SLCO4A1: variants seen among roughly 807,000 people sequenced by gnomAD.
SLCO4A1 encodes solute carrier organic anion transporter family member 4A1.
SLCO4A1 carries 51 observed loss-of-function variants against 64.6 expected under a neutral mutation model. The ratio of observed to expected loss-of-function variants is 0.79; its 90% CI spans 0.63 to 1.00. SLCO4A1 has a LOEUF of 1.00. Ranked by LOEUF, SLCO4A1 falls within the 50% of genes least tolerant of loss-of-function variation. The probability of loss-of-function intolerance (pLI) is 0.00; values close to 1 mark genes in which losing one functional copy is unlikely to be tolerated. For missense variants in SLCO4A1, 919 were observed against 980.5 expected, an observed-to-expected ratio of 0.94 and a Z score of 0.84; for synonymous variants, 471 against 444.9, an observed-to-expected ratio of 1.06 and a Z score of -0.74.
At chr20:62,653,247 C>T (rs1415093992) in intron 1 of SLCO4A1, among the ~76,000 whole-genome samples, 2 of 152,172 alleles carry the variant, frequency 1.3e-5, no homozygotes, top group East Asian at 1.9e-4. Context: ...GAGGACGTGG[C>T]GGGAGGACCC....
rs1416050847 is a variant in SLCO4A1 at position 62,645,111 on chromosome 20, G to GC, written c.-97+2564dup. On this transcript the variant is annotated intron_variant, in intron 1 of 11. Transcript: ENST00000217159. This position sits in a 1 kb window ranked among gnomAD's most constrained non-coding sequence, Gnocchi z 4.2. ...GTTCTGGGACATGGACCACTGTCTGGCCCCCCAGTGAGCTTGCTGAGTGTC... is the reference window on the plus strand; with the variant it reads ...GTTCTGGGACATGGACCACTGTCTGGCCCCCCCAGTGAGCTTGCTGAGTGTC... Among the ~76,000 whole-genome samples, 1 of 152,216 alleles carries GC rather than the reference G, an allele frequency of 6.6e-6. No individual in the cohort carries two copies. Among genetic ancestry groups the GC allele is most frequent in the South Asian group, 2.1e-4 (1 of 4,828 alleles).
In SLCO4A1 at chr20:62,656,729, C is replaced by A. The variant is rs548415673; in HGVS notation, c.275C>A (p.Ala92Glu). Reference sequence around the variant, plus strand: ...GTGGCGTGCGGCTGGTGGGCCTTCGCACCGCCGTGCCTGCAGGTCCTCAAC... The same window carrying A: ...GTGGCGTGCGGCTGGTGGGCCTTCGAACCGCCGTGCCTGCAGGTCCTCAAC... ...QSVACGWWAF[A>E]PPCLQVLNTP... Residue 92 changes from alanine (A) to glutamate (E), a missense_variant, in exon 2 of 12, where the codon GCA becomes GAA. By Grantham distance (107) the Ala-to-Glu change is moderately radical. Coordinates refer to ENST00000217159, the MANE Select transcript of SLCO4A1 (RefSeq NM_016354.4). 5 of 1,611,434 alleles carry A rather than the reference C, an allele frequency of 3.1e-6. No homozygotes were observed. In the South Asian group the frequency reaches 3.3e-5, roughly 11 times the overall value.
At chr20:62,654,559 G>A (rs1479144065) in intron 1 of SLCO4A1, among the ~76,000 whole-genome samples, 1 of 152,254 alleles carries the variant, frequency 6.6e-6, no homozygotes, top group African/African-American at 2.4e-5. Flanking sequence ...GAGACCCCAA[G>A]GCCGGATACT....
intron 5 of SLCO4A1, among the ~76,000 whole-genome samples, chr20:62,662,410 C>T (rs1985148647): frequency 6.6e-6 from 1 of 152,142 alleles, no homozygotes; most frequent in African/African-American, 2.4e-5. Context: ...GCCCTGTTCC[C>T]AGCGTGGCTG....
Position 62,661,703 on chromosome 20 carries a change from C to A in SLCO4A1, c.1121+528C>A, listed in dbSNP as rs189464691. Reference sequence around the variant, plus strand: ...CCTCAGAGTCTCTGAGGACCTCCCCCCTCTACCCGGCGTGTCCCGCTCACC... The same window carrying A: ...CCTCAGAGTCTCTGAGGACCTCCCCACTCTACCCGGCGTGTCCCGCTCACC... On this transcript the variant is annotated intron_variant, in intron 5 of 11. Transcript: ENST00000217159. This position sits in a 1 kb window ranked among gnomAD's most constrained non-coding sequence, Gnocchi z 5.2. Among the ~76,000 whole-genome samples the A allele has an allele frequency of 2.0e-5, 3 of 151,856 alleles. No individual in the cohort carries two copies. Among genetic ancestry groups the A allele is most frequent in the East Asian group, 1.9e-4 (1 of 5,164 alleles).
chr20:62,670,949 C>T (rs568541715), intron 11 of SLCO4A1, among the ~76,000 whole-genome samples: 61 of 152,374 alleles, frequency 4.0e-4, no homozygotes, highest in East Asian at 7.7e-4. Context: ...CCACGCCCAG[C>T]GTGGAAATCA....
intron 2 of SLCO4A1, among the ~76,000 whole-genome samples, chr20:62,682,034 C>T (rs940351145): frequency 1.5e-4 from 23 of 152,198 alleles, no homozygotes; most frequent in African/African-American, 4.6e-4. Flanking sequence ...AGCCCTCAGC[C>T]GGGCCCCGTA....
downstream of SLCO4A1, chr20:62,672,529 G>A (rs559333573): frequency 1.1e-4 from 17 of 156,688 alleles, no homozygotes; most frequent in Admixed American, 2.5e-4. Flanking sequence ...TGGAGGGTAC[G>A]GAGGGCTGAC....
At chr20:62,666,732 C>T (rs1036856669) in intron 7 of SLCO4A1, 157 bp downstream of exon 7, 4 of 658,322 alleles carry the variant, frequency 6.1e-6, no homozygotes, top group Admixed American at 2.8e-5. Flanking sequence ...GCAGGGCACC[C>T]GGCAGCATCC....
chr20:62,673,540 C>T (rs532757464), downstream of SLCO4A1, among the ~76,000 whole-genome samples: 17 of 143,986 alleles, frequency 1.2e-4, no homozygotes, highest in South Asian at 1.1e-3. Context: ...CATCCCTGAC[C>T]GGGTTATTAG....
At position 62,657,193 on chromosome 20, in the gene SLCO4A1, C is replaced by A. The variant is rs751200518; in HGVS notation, c.739C>A (p.Leu247Met). ...HGVGATPLYT[L>M]GVTYLDENVK... is the part of the protein sequence containing the mutation. ...CGTGGGTGCCACACCCCTCTACACG[C>A]TGGGCGTCACCTACCTGGATGAGAA... is the stretch of plus-strand genomic sequence containing the variant. The change falls in exon 2 of 12, where the codon CTG becomes ATG. Residue 247 changes from leucine to methionine, a missense_variant. Coordinates refer to ENST00000217159, the MANE Select transcript of SLCO4A1 (RefSeq NM_016354.4). The A allele has an allele frequency of 1.3e-6, 2 of 1,549,978 alleles. No individual in the cohort carries two copies. Among genetic ancestry groups the A allele is most frequent in the Admixed American group, 1.9e-5 (1 of 51,296 alleles).
chr20:62,656,548 AGGGCATCCCC>A lies in SLCO4A1; in HGVS notation c.100_109del (p.Ser34HisfsTer3), dbSNP rs1281311119. On this transcript the variant is annotated frameshift_variant, in exon 2 of 12. Transcript: ENST00000217159. LOFTEE classifies it high-confidence loss of function. ...GCTTGACCACACCCCACCCAGCAGGAGGGCATCCCCGGGCACACCCCTGAGCCCCGGCTCC... is the reference window on the plus strand; with the variant it reads ...GCTTGACCACACCCCACCCAGCAGGAGGGCACACCCCTGAGCCCCGGCTCC... 6.3e-7 allele frequency: 1 copy of A among 1,581,714 alleles called. No homozygotes were observed. Among genetic ancestry groups the A allele is most frequent in the Non-Finnish European group, 8.6e-7 (1 of 1,169,192 alleles).
rs1484281326 is a variant in SLCO4A1 at position 62,661,102 on chromosome 20, C to T, written c.1048C>T (p.His350Tyr). The change falls in exon 5 of 12, where the codon CAC becomes TAC. Residue 350 changes from histidine (H) to tyrosine (Y), a missense_variant. His to Tyr is a moderately conservative substitution (Grantham distance 83, BLOSUM62 2). Coordinates refer to ENST00000217159, the MANE Select transcript of SLCO4A1 (RefSeq NM_016354.4). The surrounding 1 kb of genome is among the most constrained non-coding windows in gnomAD (Gnocchi z 5.2). ...RYAVMRAAEMHQLKDSSRGEA... is the reference protein window; with the variant it reads ...RYAVMRAAEMYQLKDSSRGEA... ...CGCGGTCATGAGAGCGGCGGAAATG[C>T]ACCAGTTGAAGGACAGCAGCCGTGG... The T allele has an allele frequency of 1.3e-6, 2 of 1,516,086 alleles. No homozygotes were observed. The highest frequency in any genetic ancestry group is 1.4e-5 in the African/African-American group (1 of 72,544). 93.9% of individuals were successfully genotyped at this position (1,516,086 alleles called of 1,614,324 possible).
chr20:62,688,260 G>A (rs570769253), downstream of SLCO4A1, among the ~76,000 whole-genome samples: 4 of 152,248 alleles, frequency 2.6e-5, no homozygotes, highest in South Asian at 6.2e-4. Flanking sequence ...GGGTCCCTAC[G>A]AGAACACCTC....
chr20:62,654,943 G>A (rs183816375), intron 1 of SLCO4A1, among the ~76,000 whole-genome samples: 3 of 152,336 alleles, frequency 2.0e-5, no homozygotes, highest in African/African-American at 7.2e-5. Flanking sequence ...TCCCTCCCGG[G>A]CAGGGGAATG....
chr20:62,663,109 T>C (rs954975053), intron 5 of SLCO4A1: 1 of 152,156 alleles, frequency 6.6e-6, no homozygotes, highest in Admixed American at 6.5e-5. Flanking sequence ...CTGAGGTCAG[T>C]CTGAGCGAGC....
At chr20:62,653,007 A>G (rs951809047) in intron 1 of SLCO4A1, among the ~76,000 whole-genome samples, 1 of 152,220 alleles carries the variant, frequency 6.6e-6, no homozygotes, top group Non-Finnish European at 1.5e-5. Context: ...CCTCGAGCAA[A>G]TGACTGACCC....
At chr20:62,688,514 C>T (rs943516450), downstream of SLCO4A1, among the ~76,000 whole-genome samples, 5 of 152,220 alleles carry the variant, frequency 3.3e-5, no homozygotes, top group East Asian at 1.9e-4. Context: ...TATATTTTCT[C>T]GGGGTTTGGG....
At chr20:62,670,249 T>C (rs957545688) in intron 11 of SLCO4A1, 1 of 152,048 alleles carries the variant, frequency 6.6e-6, no homozygotes, top group African/African-American at 2.4e-5. Flanking sequence ...GCTCAGGGAG[T>C]GGTGGTGTTT....
Sources: gnomAD v4.1 joint callset for allele counts (sites outside exome capture counted in the v4.1 genomes callset) on GRCh38, gnomAD v4.1.1 for gene constraint, Gnocchi (gnomAD v3.1) non-coding constraint, MANE v1.5 for transcripts, NCBI Gene and HGNC (gene_info 2026-07-23, HGNC 2026-07-21) for gene names.